PHF24: variants seen among roughly 807,000 people sequenced by gnomAD.
PHF24 encodes the protein Galpha inhibitory interacting protein.
Under a neutral mutation model 42.6 loss-of-function variants are expected in PHF24, and 25 were observed. The ratio of observed to expected loss-of-function variants is 0.59; its 90% CI spans 0.43 to 0.82. The LOEUF (loss-of-function observed/expected upper bound fraction) is 0.82, where lower values mean the gene tolerates loss of function less well. Among genes scored for constraint, PHF24 ranks in the 40% least tolerant of loss-of-function variants. The probability of loss-of-function intolerance (pLI) is 0.00; values close to 1 mark genes in which losing one functional copy is unlikely to be tolerated. For missense variants in PHF24, 470 were observed against 538.1 expected (o/e 0.87, Z 1.25); for synonymous variants, 185 against 204.8 (o/e 0.90, Z 0.83).
the PHF24 span, among the ~76,000 whole-genome samples, chr9:34,929,323 T>G: frequency 2.0e-5 from 3 of 152,136 alleles, no homozygotes; most frequent in Non-Finnish European, 4.4e-5. Flanking sequence ...TAAATATGAT[T>G]TGGGTTAGGG....
chr9:34,923,159 T>C, the PHF24 span, among the ~76,000 whole-genome samples: 1 of 152,176 alleles, frequency 6.6e-6, no homozygotes, highest in Admixed American at 6.5e-5. Flanking sequence ...TGATATGATG[T>C]ATCACATTGA....
chr9:34,832,606 C>A, the PHF24 span: 9 of 1,542,802 alleles, frequency 5.8e-6, no homozygotes, highest in Non-Finnish European at 7.9e-6. Flanking sequence ...AACATGGAAT[C>A]CTTGTGCCCT....
the PHF24 span, among the ~76,000 whole-genome samples, chr9:34,884,558 A>G: frequency 1.3e-5 from 2 of 152,034 alleles, no homozygotes; most frequent in African/African-American, 4.8e-5. Context: ...AGAGGATGAG[A>G]CTCAGAGCAT....
chr9:34,692,551 G>A, the PHF24 span, among the ~76,000 whole-genome samples: 3 of 152,082 alleles, frequency 2.0e-5, no homozygotes, highest in African/African-American at 7.2e-5. Flanking sequence ...GGTAGTCACG[G>A]TGCAGAGGAG....
the PHF24 span, among the ~76,000 whole-genome samples, chr9:34,854,196 A>G: frequency 1.9e-5 from 2 of 106,666 alleles, no homozygotes; most frequent in Non-Finnish European, 3.8e-5. Flanking sequence ...CAGTCTATCT[A>G]TTTTTTTTTT....
chr9:34,706,983 T>TAAAA, the PHF24 span, among the ~76,000 whole-genome samples: 1 of 139,992 alleles, frequency 7.1e-6, no homozygotes, highest in African/African-American at 2.6e-5. Context: ...AAGCAAGCCT[T>TAAAA]AAAAAAAAAA....
At chr9:34,853,720 T>G in the PHF24 span, among the ~76,000 whole-genome samples, 2 of 148,282 alleles carry the variant, frequency 1.3e-5, no homozygotes, top group Admixed American at 6.8e-5. Context: ...CCCAGCTACT[T>G]GGGAGGCTGA....
the PHF24 span, chr9:34,834,026 G>A: frequency 6.5e-7 from 1 of 1,549,250 alleles, no homozygotes; most frequent in African/African-American, 1.4e-5. Context: ...GAGCAGCTTA[G>A]GGTGTTCAGT....
chr9:34,805,733 T>C, the PHF24 span, among the ~76,000 whole-genome samples: 6 of 152,190 alleles, frequency 3.9e-5, no homozygotes, highest in Non-Finnish European at 8.8e-5. Context: ...ATTTATCTAT[T>C]TTTTTCTTTC....
At chr9:34,768,482 A>AT in the PHF24 span, among the ~76,000 whole-genome samples, 1 of 152,092 alleles carries the variant, frequency 6.6e-6, no homozygotes. Context: ...ACCTTGGGCA[A>AT]TTTTTTTCCC....
the PHF24 span, among the ~76,000 whole-genome samples, chr9:34,865,891 G>A: frequency 6.6e-6 from 1 of 152,186 alleles, no homozygotes; most frequent in Non-Finnish European, 1.5e-5. Context: ...GGCCATGTGG[G>A]GCCTCTCCAG....
the PHF24 span, among the ~76,000 whole-genome samples, chr9:34,939,780 T>C: frequency 6.6e-6 from 1 of 152,342 alleles, no homozygotes; most frequent in East Asian, 1.9e-4. Flanking sequence ...AGCTCCTCTA[T>C]GGTTCCCACA....
chr9:34,952,142 T>C, the PHF24 span, among the ~76,000 whole-genome samples: 3 of 152,160 alleles, frequency 2.0e-5, no homozygotes, highest in Admixed American at 6.5e-5. Flanking sequence ...AAAACACATT[T>C]TGTCTGCATG....
At chr9:34,949,892 A>G in the PHF24 span, among the ~76,000 whole-genome samples, 2 of 151,966 alleles carry the variant, frequency 1.3e-5, no homozygotes, top group East Asian at 1.9e-4. Flanking sequence ...ACAAATACCT[A>G]ATGCATGCGG....
chr9:34,967,042 A>G (rs972931969), intron 1 of PHF24, among the ~76,000 whole-genome samples: 1 of 152,018 alleles, frequency 6.6e-6, no homozygotes, highest in African/African-American at 2.4e-5. Context: ...ATGCCTAGCT[A>G]AATTTTTTTT....
the PHF24 span, chr9:34,723,147 T>G: frequency 1.8e-5 from 26 of 1,451,748 alleles, 1 homozygote; most frequent in South Asian, 3.4e-4. Flanking sequence ...GCTGCAGCAG[T>G]TGGGGAGCCT....
chr9:34,948,260 A>G, the PHF24 span, among the ~76,000 whole-genome samples: 2 of 151,752 alleles, frequency 1.3e-5, no homozygotes, highest in Non-Finnish European at 2.9e-5. Flanking sequence ...AAAAGTGTAT[A>G]AAGTTAAAAA....
chr9:34,799,126 A>T, the PHF24 span, among the ~76,000 whole-genome samples: 24 of 151,936 alleles, frequency 1.6e-4, no homozygotes, highest in African/African-American at 4.6e-4. Flanking sequence ...GACATACTTT[A>T]AAAAAAAGCC....
the PHF24 span, among the ~76,000 whole-genome samples, chr9:34,805,748 C>A: frequency 2.0e-5 from 3 of 151,988 alleles, no homozygotes; most frequent in African/African-American, 7.3e-5. Flanking sequence ...TCTTTCGTTG[C>A]CTGTGCTTTT....
Sources: allele counts gnomAD v4.1 joint callset (sites outside exome capture counted in the v4.1 genomes callset), GRCh38; gene constraint gnomAD v4.1.1; transcripts MANE v1.5; gene names NCBI Gene and HGNC (gene_info 2026-07-23, HGNC 2026-07-21).